Variants in FOXD2 observed in about 807,000 individuals in gnomAD.
FOXD2 encodes forkhead box protein D2.
FOXD2 carries 4 observed loss-of-function variants against 6.4 expected under a neutral mutation model. The ratio of observed to expected loss-of-function variants is 0.62; its 90% confidence interval spans 0.31 to 1.42. The LOEUF (loss-of-function observed/expected upper bound fraction) is 1.42. FOXD2 is among the 40% of genes most tolerant of loss of function. FOXD2 has a pLI of 0.08. For missense variants in FOXD2, 709 were observed against 766.8 expected, an observed-to-expected ratio of 0.92 and a Z score of 0.89; for synonymous variants, 393 against 373.6, an observed-to-expected ratio of 1.05 and a Z score of -0.60.
chr1:47,438,235 AGCG>A lies in FOXD2; in HGVS notation c.105_107del (p.Gly37del). On this transcript the variant is annotated inframe_deletion, in exon 1 of 1. Transcript: ENST00000334793. ...AGACATAGACGTGGTGGGCGGCGGC[AGCG>A]GCGGGGGGGAGCTCCCAGCTCGCTC... is the stretch of plus-strand genomic sequence containing the variant. The A allele has an allele frequency of 7.1e-7, 1 of 1,403,944 alleles. No individual in the cohort carries two copies. The highest frequency in any genetic ancestry group is 9.2e-7 in the Non-Finnish European group (1 of 1,083,174). 87.0% of individuals were successfully genotyped at this position (1,403,944 alleles called of 1,614,324 possible).
At position 47,439,110 on chromosome 1, in the gene FOXD2, C is replaced by G. The variant is rs1194246143; in HGVS notation, c.975C>G (p.Ala325=). The G allele has an allele frequency of 6.9e-7, 1 of 1,459,558 alleles. No homozygotes were observed. The highest frequency in any genetic ancestry group is 3.1e-5 in the East Asian group (1 of 32,642). 90.4% of individuals were successfully genotyped at this position (1,459,558 alleles called of 1,614,324 possible). A position where few individuals can be genotyped will look rare whatever the true frequency, so the allele number is the denominator to read the frequency against. Residue 325 remains alanine, a synonymous_variant, in exon 1 of 1, where the codon GCC becomes GCG. Coordinates refer to ENST00000334793, the MANE Select transcript of FOXD2 (RefSeq NM_004474.4). The stretch of plus-strand genomic sequence containing the variant: ...CGCCTCCACCCGGACCTCCGACGGC[C>G]TCGGTGTTCGCAGGCGCGGGATCGG... ...AAAPPPGPPT[A]SVFAGAGSAP... is the part of the protein sequence containing the mutation.
In FOXD2 at chr1:47,438,099, G is replaced by A. The variant is rs1430460066; in HGVS notation, c.-37G>A. ...GCCGAGCCCGAGCCGCTGCCGGAGCGGAGCCGGAGAGTGGCGGCGGCGGCG... is the reference window on the plus strand; with the variant it reads ...GCCGAGCCCGAGCCGCTGCCGGAGCAGAGCCGGAGAGTGGCGGCGGCGGCG... On this transcript the variant is annotated 5_prime_UTR_variant, in exon 1 of 1. Transcript: ENST00000334793. The A allele has an allele frequency of 3.0e-6, 4 of 1,347,062 alleles. No individual in the cohort carries two copies. Among genetic ancestry groups the A allele is most frequent in the East Asian group, 3.1e-5 (1 of 32,426 alleles). 83.4% of individuals were successfully genotyped at this position (1,347,062 alleles called of 1,614,324 possible).
rs1646988613 is a variant in FOXD2, at chr1:47,438,632, A to C, written c.497A>C (p.Glu166Ala). Residue 166 changes from glutamate to alanine, a missense_variant, in exon 1 of 1, where the codon GAG (glutamate) becomes GCG (alanine). Glu to Ala is a moderately radical substitution (Grantham distance 107). Coordinates refer to ENST00000334793, the MANE Select transcript of FOXD2 (RefSeq NM_004474.4). ...FISGRFPYYR[E>A]KFPAWQNSIR... ...AGCGGCCGCTTCCCCTACTACCGGG[A>C]GAAGTTCCCCGCCTGGCAGAACAGC... 6.2e-7 allele frequency: 1 copy of C among 1,613,924 alleles called. No homozygotes were observed. Among genetic ancestry groups the C allele is most frequent in the Non-Finnish European group, 8.5e-7 (1 of 1,179,942 alleles).
rs199879374 is a variant in FOXD2, at chr1:47,439,449, A to C, written c.1314A>C (p.Pro438=). 28 of 1,542,376 alleles carry C rather than the reference A, an allele frequency of 1.8e-5. No homozygotes were observed. Among genetic ancestry groups the C allele is most frequent in the Non-Finnish European group, 2.4e-5 (27 of 1,148,660 alleles). ...CCGGCGAGGGCTCTCCGGGACCGCCATTCGCGGCAGCCGCGGGTCCTGGGG... is the reference window on the plus strand; with the variant it reads ...CCGGCGAGGGCTCTCCGGGACCGCCCTTCGCGGCAGCCGCGGGTCCTGGGG... ...PGAGEGSPGP[P]FAAAAGPGGQ... The change falls in exon 1 of 1, where the codon CCA becomes CCC. Residue 438 remains proline, a synonymous_variant. Transcript: ENST00000334793.
Position 47,438,404 on chromosome 1 carries a change from C to T in FOXD2, c.269C>T (p.Ala90Val). The part of the protein sequence containing the change: ...GEPRALASRG[A>V]AAAAGSPGPG... ...CCCCGCGCTCTGGCGTCCCGGGGGG[C>T]GGCGGCCGCAGCGGGGAGCCCGGGG... The change falls in exon 1 of 1, where the codon GCG becomes GTG. Residue 90 changes from alanine (A) to valine (V), a missense_variant. Physicochemically the swap from Ala to Val is moderately conservative, Grantham distance 64. Around this residue, in one of 5 missense-constraint regions of FOXD2, gnomAD observed 220 missense variants for 199.2 expected, o/e 1.10. Coordinates refer to ENST00000334793, the MANE Select transcript of FOXD2 (RefSeq NM_004474.4). 1.7e-6 allele frequency: 2 copies of T among 1,200,314 alleles called. No individual in the cohort carries two copies. The highest frequency in any genetic ancestry group is 4.1e-5 in the South Asian group (1 of 24,132). 74.4% of individuals were successfully genotyped at this position (1,200,314 alleles called of 1,614,324 possible).
chr1:47,438,510 G>A lies in FOXD2; in HGVS notation c.375G>A (p.Leu125=), dbSNP rs773004685. Residue 125 remains leucine, a synonymous_variant, in exon 1 of 1, where the codon CTG becomes CTA. Coordinates refer to ENST00000334793, the MANE Select transcript of FOXD2 (RefSeq NM_004474.4). ...PSGGAATRSP[L]VKPPYSYIAL... Reference sequence around the variant, plus strand: ...GGGGCGCGGCGACGCGGAGCCCGCTGGTGAAGCCGCCCTACTCGTACATCG... The same window carrying A: ...GGGGCGCGGCGACGCGGAGCCCGCTAGTGAAGCCGCCCTACTCGTACATCG... 6.3e-7 allele frequency: 1 copy of A among 1,599,520 alleles called. No individual in the cohort carries two copies. Among genetic ancestry groups the A allele is most frequent in the South Asian group, 1.1e-5 (1 of 89,526 alleles).
chr1:47,439,355 G>A lies in FOXD2; in HGVS notation c.1220G>A (p.Gly407Glu), dbSNP rs1411327732. The change falls in exon 1 of 1, where the codon GGG becomes GAG. Residue 407 changes from glycine to glutamate, a missense_variant. Coordinates refer to ENST00000334793, the MANE Select transcript of FOXD2 (RefSeq NM_004474.4). ...GCAGGCGGCGGGGGCGCCGGGGCAG[G>A]GCAGAGGCCTTCCTTCTCTATAGAC... is the stretch of plus-strand genomic sequence containing the variant. ...GGAGGGGAGA[G>E]QRPSFSIDHI... The A allele has an allele frequency of 1.9e-5, 28 of 1,510,138 alleles. No homozygotes were observed. The highest frequency in any genetic ancestry group is 1.9e-5 in the Non-Finnish European group (22 of 1,142,968). The allele number at this position is 1,510,138 out of a possible 1,614,324, so 93.5% of individuals were successfully genotyped here.
Position 47,438,171 on chromosome 1 carries a change from C to T in FOXD2, c.36C>T (p.Ser12=). ...TLGSCCCEIM[S]SESSPAALSE... is the part of the protein sequence containing the mutation. ...GCAGCTGCTGCTGCGAGATCATGTC[C>T]TCCGAGAGCTCCCCGGCCGCGCTGT... The change falls in exon 1 of 1, where the codon TCC becomes TCT. Residue 12 remains serine (S), a synonymous_variant. Coordinates refer to ENST00000334793, the MANE Select transcript of FOXD2 (RefSeq NM_004474.4). 1 of 1,466,578 alleles carries T rather than the reference C, an allele frequency of 6.8e-7. No homozygotes were observed. The highest frequency in any genetic ancestry group is 3.0e-5 in the East Asian group (1 of 33,472). The allele number at this position is 1,466,578 out of a possible 1,614,324, so 90.8% of individuals were successfully genotyped here.
Position 47,440,233 on chromosome 1 carries a change from G to A in FOXD2, c.*610G>A, listed in dbSNP as rs1647000464. On this transcript the variant is annotated 3_prime_UTR_variant, in exon 1 of 1. Coordinates refer to ENST00000334793, the MANE Select transcript of FOXD2 (RefSeq NM_004474.4). ...GAAGCAGGGGGTCTTTATATTCCCTGCAGAAACCCTGGATCCCACTCCACT... is the reference window on the plus strand; with the variant it reads ...GAAGCAGGGGGTCTTTATATTCCCTACAGAAACCCTGGATCCCACTCCACT... 6.1e-6 allele frequency: 1 copy of A among 164,702 alleles called. No individual in the cohort carries two copies. The highest frequency in any genetic ancestry group is 2.1e-4 in the South Asian group (1 of 4,756). The allele number at this position is 164,702 out of a possible 1,614,324, so 10.2% of individuals were successfully genotyped here.
In FOXD2 at chr1:47,438,960, G is replaced by C; in HGVS notation, c.825G>C (p.Pro275=). 6.7e-7 allele frequency: 1 copy of C among 1,491,736 alleles called. No individual in the cohort carries two copies. Among genetic ancestry groups the C allele is most frequent in the Non-Finnish European group, 8.9e-7 (1 of 1,124,120 alleles). 92.4% of individuals were successfully genotyped at this position (1,491,736 alleles called of 1,614,324 possible). ...GCTACGGCTACGGGCTGGCTCTCCC[G>C]GCCTACGGCGCACCCCCGCCGGGGC... The part of the protein sequence containing the change: ...AYGYGYGLAL[P]AYGAPPPGPA... The change falls in exon 1 of 1, where the codon CCG becomes CCC. Residue 275 remains proline (P), a synonymous_variant. Transcript: ENST00000334793.
chr1:47,438,624 C>G lies in FOXD2; in HGVS notation c.489C>G (p.Tyr163Ter). 6.2e-7 allele frequency: 1 copy of G among 1,614,018 alleles called. No homozygotes were observed. The highest frequency in any genetic ancestry group is 8.5e-7 in the Non-Finnish European group (1 of 1,179,976). The change falls in exon 1 of 1, where the codon TAC becomes TAG. Residue 163 changes from tyrosine (Y) to a stop codon, truncating the protein, a stop_gained. Coordinates refer to ENST00000334793, the MANE Select transcript of FOXD2 (RefSeq NM_004474.4). LOFTEE classifies it low-confidence loss of function (END_TRUNC). ...ICEFISGRFP[Y>*]YREKFPAWQN... ...AGTTCATCAGCGGCCGCTTCCCCTA[C>G]TACCGGGAGAAGTTCCCCGCCTGGC...
chr1:47,438,291 C>T lies in FOXD2; in HGVS notation c.156C>T (p.Leu52=). 3 of 1,328,028 alleles carry T rather than the reference C, an allele frequency of 2.3e-6. No individual in the cohort carries two copies. Among genetic ancestry groups the T allele is most frequent in the Non-Finnish European group, 1.9e-6 (2 of 1,040,798 alleles). The allele number at this position is 1,328,028 out of a possible 1,614,324, so 82.3% of individuals were successfully genotyped here. The part of the protein sequence containing the change: ...RSGPRAPRDV[L]PHGHEPPAEE... ...GGCCCCGCGCCCCCCGGGACGTGCT[C>T]CCCCACGGCCACGAGCCTCCCGCGG... The change falls in exon 1 of 1, where the codon CTC becomes CTT. Residue 52 remains leucine, a synonymous_variant. Transcript: ENST00000334793.
Position 47,438,435 on chromosome 1 carries a change from C to T in FOXD2, c.300C>T (p.Gly100=). 9.4e-7 allele frequency: 1 copy of T among 1,065,534 alleles called. No individual in the cohort carries two copies. The highest frequency in any genetic ancestry group is 1.1e-6 in the Non-Finnish European group (1 of 879,712). The allele number at this position is 1,065,534 out of a possible 1,614,324, so 66.0% of individuals were successfully genotyped here. A position where few individuals can be genotyped will look rare whatever the true frequency, so the allele number is the denominator to read the frequency against. ...AAAAAGSPGP[G]AAAARGAAGP... ...CCGCAGCGGGGAGCCCGGGGCCAGGCGCCGCGGCGGCCCGCGGCGCAGCGG... is the reference window on the plus strand; with the variant it reads ...CCGCAGCGGGGAGCCCGGGGCCAGGTGCCGCGGCGGCCCGCGGCGCAGCGG... Residue 100 remains glycine, a synonymous_variant, in exon 1 of 1, where the codon GGC becomes GGT. Coordinates refer to ENST00000334793, the MANE Select transcript of FOXD2 (RefSeq NM_004474.4).
At position 47,438,220 on chromosome 1, in the gene FOXD2, G is replaced by A. The variant is rs1344648682; in HGVS notation, c.85G>A (p.Val29Met). 3 of 1,424,678 alleles carry A rather than the reference G, an allele frequency of 2.1e-6. No homozygotes were observed. Among genetic ancestry groups the A allele is most frequent in the Non-Finnish European group, 1.8e-6 (2 of 1,094,856 alleles). 88.3% of individuals were successfully genotyped at this position (1,424,678 alleles called of 1,614,324 possible). Residue 29 changes from valine (V) to methionine (M), a missense_variant, in exon 1 of 1, where the codon GTG (valine) becomes ATG (methionine). By Grantham distance (21) the Val-to-Met change is conservative. Around this residue, in one of 5 missense-constraint regions of FOXD2, gnomAD observed 220 missense variants for 199.2 expected, o/e 1.10. Transcript: ENST00000334793. ...ALSEADADIDVVGGGSGGGEL... is the reference protein window; with the variant it reads ...ALSEADADIDMVGGGSGGGEL... ...GTCCGAGGCCGACGCAGACATAGAC[G>A]TGGTGGGCGGCGGCAGCGGCGGGGG...
rs1486641182 is a variant in FOXD2 at position 47,439,009 on chromosome 1, C to CCGCACG, written c.876_881dup (p.His293_Ala294dup). The CCGCACG allele has an allele frequency of 9.7e-6, 14 of 1,446,354 alleles. No individual in the cohort carries two copies. The highest frequency in any genetic ancestry group is 4.5e-5 in the African/African-American group (3 of 67,068). The allele number at this position is 1,446,354 out of a possible 1,614,324, so 89.6% of individuals were successfully genotyped here. ...GCCGGCCCCGCATCCGCACCCGCACCCGCACGCCTTCGCTTTCGCCGCGGC... is the reference window on the plus strand; with the variant it reads ...GCCGGCCCCGCATCCGCACCCGCACCCGCACGCGCACGCCTTCGCTTTCGCCGCGGC... On this transcript the variant is annotated inframe_insertion, in exon 1 of 1. Transcript: ENST00000334793.
Position 47,439,975 on chromosome 1 carries a change from C to T in FOXD2, c.*352C>T. 1 of 275,172 alleles carries T rather than the reference C, an allele frequency of 3.6e-6. No homozygotes were observed. The highest frequency in any genetic ancestry group is 7.3e-6 in the Non-Finnish European group (1 of 137,894). 17.0% of individuals were successfully genotyped at this position (275,172 alleles called of 1,614,324 possible). On this transcript the variant is annotated 3_prime_UTR_variant, in exon 1 of 1. Transcript: ENST00000334793. The stretch of plus-strand genomic sequence containing the variant: ...GCCTGGCCAGGCTCCACGGATCCCG[C>T]CAGAAACACCAACAGAGGGTCTCCC...
chr1:47,439,258 G>A lies in FOXD2; in HGVS notation c.1123G>A (p.Ala375Thr), dbSNP rs867817948. 1.3e-6 allele frequency: 2 copies of A among 1,504,184 alleles called. No homozygotes were observed. Among genetic ancestry groups the A allele is most frequent in the East Asian group, 2.7e-5 (1 of 36,424 alleles). The allele number at this position is 1,504,184 out of a possible 1,614,324, so 93.2% of individuals were successfully genotyped here. ...AFYAASLSPP[A>T]AGTAAGLPTA... is the part of the protein sequence containing the mutation. ...CTACGCGGCGTCCCTGAGTCCTCCC[G>A]CAGCCGGCACCGCGGCGGGTCTGCC... The change falls in exon 1 of 1, where the codon GCA becomes ACA. Residue 375 changes from alanine to threonine, a missense_variant. Physicochemically the swap from Ala to Thr is moderately conservative, Grantham distance 58. Around this residue, in one of 5 missense-constraint regions of FOXD2, gnomAD observed 322 missense variants for 313.8 expected, o/e 1.03. Transcript: ENST00000334793.
chr1:47,438,996 T>TCCCCAC lies in FOXD2; in HGVS notation c.863_864insCCACCC (p.Pro292_His293dup), dbSNP rs1553125554. The stretch of plus-strand genomic sequence containing the variant: ...CACCCCCGCCGGGGCCGGCCCCGCA[T>TCCCCAC]CCGCACCCGCACCCGCACGCCTTCG... On this transcript the variant is annotated inframe_insertion, in exon 1 of 1. Transcript: ENST00000334793. 1.3e-4 allele frequency: 177 copies of TCCCCAC among 1,399,082 alleles called. No homozygotes were observed. Among genetic ancestry groups the TCCCCAC allele is most frequent in the Non-Finnish European group, 1.6e-4 (170 of 1,082,408 alleles). The allele number at this position is 1,399,082 out of a possible 1,614,324, so 86.7% of individuals were successfully genotyped here. A position where few individuals can be genotyped will look rare whatever the true frequency, so the allele number is the denominator to read the frequency against.
chr1:47,438,115 G>A lies in FOXD2; in HGVS notation c.-21G>A, dbSNP rs1646984336. ...TGCCGGAGCGGAGCCGGAGAGTGGC[G>A]GCGGCGGCGGCAGCGGCACCATGAC... On this transcript the variant is annotated 5_prime_UTR_variant, in exon 1 of 1. Coordinates refer to ENST00000334793, the MANE Select transcript of FOXD2 (RefSeq NM_004474.4). 1.4e-6 allele frequency: 2 copies of A among 1,395,086 alleles called. No individual in the cohort carries two copies. Among genetic ancestry groups the A allele is most frequent in the Non-Finnish European group, 1.9e-6 (2 of 1,078,350 alleles). The allele number at this position is 1,395,086 out of a possible 1,614,324, so 86.4% of individuals were successfully genotyped here. A position where few individuals can be genotyped will look rare whatever the true frequency, so the allele number is the denominator to read the frequency against.
Sources: gnomAD v4.1 joint callset for allele counts on GRCh38, gnomAD v4.1.1 for gene constraint, gnomAD v4.1.1 regional missense constraint, MANE v1.5 for transcripts, NCBI Gene and HGNC (gene_info 2026-07-23, HGNC 2026-07-21) for gene names.